The following GRK1 variants were observed in gnomAD, a reference collection of about 807,000 sequenced individuals.
The protein encoded by GRK1 is rhodopsin kinase GRK1.
GRK1 carries 28 observed loss-of-function variants against 41.7 expected under a neutral mutation model. The observed-to-expected ratio is 0.67, with a 90% CI of 0.50 to 0.92. GRK1 has a LOEUF of 0.92. Ranked by LOEUF, GRK1 falls within the 40% of genes least tolerant of loss-of-function variation. The probability of loss-of-function intolerance (pLI) is 0.00; values close to 1 mark genes in which losing one functional copy is unlikely to be tolerated. For missense variants in GRK1, 703 were observed against 671.2 expected (o/e 1.05, Z -0.52); for synonymous variants, 327 against 286.7 (o/e 1.14, Z -1.42).
chr13:113,656,130 G>A, the GRK1 span, among the ~76,000 whole-genome samples: 1 of 152,216 alleles, frequency 6.6e-6, no homozygotes, highest in African/African-American at 2.4e-5. Context: ...GCAGTGTGGG[G>A]CCCGCAGTGG....
At chr13:113,658,050 C>G in the GRK1 span, 7 of 1,604,254 alleles carry the variant, frequency 4.4e-6, no homozygotes, top group Non-Finnish European at 6.0e-6. Context: ...GGACAGGGTG[C>G]GGCCCAGCAT....
upstream of GRK1, among the ~76,000 whole-genome samples, chr13:113,664,846 C>T (rs370343833): frequency 7.2e-5 from 11 of 152,228 alleles, no homozygotes; most frequent in African/African-American, 2.4e-4. This position sits in a 1 kb window ranked among gnomAD's most constrained non-coding sequence, Gnocchi z 5.4. Context: ...CAAAGCACCA[C>T]AGTTGCCCCA....
At chr13:113,667,153 T>C (rs950946336), upstream of GRK1, 7 of 516,518 alleles carry the variant, frequency 1.4e-5, no homozygotes, top group African/African-American at 1.3e-4. The surrounding 1 kb of genome is among the most constrained non-coding windows in gnomAD (Gnocchi z 7.5). Context: ...CTCCTAAGCG[T>C]CCTCCGTGAC....
At chr13:113,658,630 C>T in the GRK1 span, among the ~76,000 whole-genome samples, 1 of 152,168 alleles carries the variant, frequency 6.6e-6, no homozygotes, top group Non-Finnish European at 1.5e-5. Flanking sequence ...GCTCCCTGGG[C>T]CCCCCGCTGC....
the GRK1 span, among the ~76,000 whole-genome samples, chr13:113,661,457 A>G: frequency 4.6e-5 from 7 of 152,078 alleles, no homozygotes; most frequent in Non-Finnish European, 8.8e-5. Context: ...AGCAAGTAAA[A>G]CAAAGCAAAA....
chr13:113,728,172 C>T (rs1480642276), intron 4 of GRK1, among the ~76,000 whole-genome samples: 2 of 92,458 alleles, frequency 2.2e-5, no homozygotes, highest in African/African-American at 1.0e-4. Context: ...TGAGGAATAC[C>T]CATGGCGAGG....
At chr13:113,649,523 T>G in the GRK1 span, 1 of 1,533,338 alleles carries the variant, frequency 6.5e-7, no homozygotes, top group Non-Finnish European at 8.8e-7. This position sits in a 1 kb window ranked among gnomAD's most constrained non-coding sequence, Gnocchi z 4.7. Context: ...ACCAGGGGGT[T>G]GCTGTAGTGG....
Position 113,731,197 on chromosome 13 carries a change from C to T in GRK1, c.1070-22C>T. 4 of 1,535,798 alleles carry T rather than the reference C, an allele frequency of 2.6e-6. No homozygotes were observed. The highest frequency in any genetic ancestry group is 3.5e-6 in the Non-Finnish European group (4 of 1,146,032). On this transcript the variant is annotated intron_variant, in intron 4 of 6. Coordinates refer to ENST00000335678, the MANE Select transcript of GRK1 (RefSeq NM_002929.3). The surrounding 1 kb of genome is among the most constrained non-coding windows in gnomAD (Gnocchi z 5.6). The stretch of plus-strand genomic sequence containing the variant: ...ACCATGGAGGTGACCACCTCTGAAC[C>T]CGCAATGTCCCTTGCTGGCAGGTTT...
At chr13:113,733,714 CACGT>C (rs2049963067) in intron 6 of GRK1, among the ~76,000 whole-genome samples, 5 of 93,702 alleles carry the variant, frequency 5.3e-5, no homozygotes, top group African/African-American at 2.5e-4. Context: ...CGTGTGTGCG[CACGT>C]GTGTGTGCGC....
chr13:113,657,994 C>T, the GRK1 span: 14 of 1,522,646 alleles, frequency 9.2e-6, no homozygotes, highest in African/African-American at 1.8e-4. Context: ...TCAGAGCGGC[C>T]CCCTCCATGC....
intron 4 of GRK1, chr13:113,726,646 A>T (rs1204347579): frequency 6.5e-6 from 1 of 154,330 alleles, no homozygotes; most frequent in Non-Finnish European, 1.4e-5. Flanking sequence ...GGGCTGCATC[A>T]TGGGGGTCAG....
the GRK1 span, among the ~76,000 whole-genome samples, chr13:113,648,447 G>A: frequency 4.0e-3 from 603 of 152,284 alleles, 4 homozygotes; most frequent in African/African-American, 0.014. Context: ...CACCGCCGTC[G>A]GGGTGAGACG....
chr13:113,726,462 G>C (rs1460867372), intron 4 of GRK1: 16 of 153,304 alleles, frequency 1.0e-4, no homozygotes, highest in Admixed American at 6.6e-4. Context: ...GGGATCCAGG[G>C]GCGTGCACAG....
chr13:113,659,013 C>G, the GRK1 span, among the ~76,000 whole-genome samples: 1 of 152,124 alleles, frequency 6.6e-6, no homozygotes, highest in East Asian at 1.9e-4. Context: ...CTGGGCAGTA[C>G]CTCGGGGTCA....
At chr13:113,665,418 G>A (rs561485228), upstream of GRK1, among the ~76,000 whole-genome samples, 1 of 151,028 alleles carries the variant, frequency 6.6e-6, no homozygotes, top group East Asian at 1.9e-4. Flanking sequence ...TGCCCCAGCT[G>A]TCCCAGGTGT....
upstream of GRK1, among the ~76,000 whole-genome samples, chr13:113,666,029 G>C (rs2083930064): frequency 7.0e-6 from 1 of 142,080 alleles, no homozygotes; most frequent in African/African-American, 2.7e-5. Flanking sequence ...GGTGTCTCAG[G>C]TGTGCCCCAG....
At position 113,669,826 on chromosome 13, in the gene GRK1, G is replaced by A. The variant is rs2049844973; in HGVS notation, c.827+12G>A. ...GGAGGTGACATCAGGTAAGGGCTGG[G>A]CCAGAGGGCACGAGGGGGCCCCGCT... is the stretch of plus-strand genomic sequence containing the variant. On this transcript the variant is annotated intron_variant, in intron 2 of 6. Coordinates refer to ENST00000335678, the MANE Select transcript of GRK1 (RefSeq NM_002929.3). 2 of 1,613,614 alleles carry A rather than the reference G, an allele frequency of 1.2e-6. No individual in the cohort carries two copies. Among genetic ancestry groups the A allele is most frequent in the Non-Finnish European group, 8.5e-7 (1 of 1,179,666 alleles).
chr13:113,733,749 ATGT>A (rs2049965250), intron 6 of GRK1, among the ~76,000 whole-genome samples: 1 of 89,226 alleles, frequency 1.1e-5, no homozygotes, highest in Non-Finnish European at 2.3e-5. Context: ...GTGTGCATAC[ATGT>A]GTGTGCGTGT....
intron 4 of GRK1, among the ~76,000 whole-genome samples, chr13:113,729,706 C>T (rs954803107): frequency 1.3e-5 from 2 of 152,180 alleles, no homozygotes; most frequent in Admixed American, 6.5e-5. Context: ...GCTGTCCCTC[C>T]GCCCTCTGTC....
Sources: gnomAD v4.1 joint callset for allele counts (sites outside exome capture counted in the v4.1 genomes callset) on GRCh38, gnomAD v4.1.1 for gene constraint, Gnocchi (gnomAD v3.1) non-coding constraint, MANE v1.5 for transcripts, NCBI Gene and HGNC (gene_info 2026-07-23, HGNC 2026-07-21) for gene names.